Variants in CDH18 observed in about 807,000 individuals in gnomAD.
The protein encoded by CDH18 is cadherin 18.
Under a neutral mutation model 67.9 loss-of-function variants are expected in CDH18, and 31 were observed. The ratio of observed to expected loss-of-function variants is 0.46; its 90% confidence interval spans 0.34 to 0.62. CDH18 has a LOEUF of 0.62. Among genes scored for constraint, CDH18 ranks in the 20% least tolerant of loss-of-function variants. The pLI, the probability that CDH18 is intolerant of heterozygous loss-of-function variation, is 0.01. For missense variants in CDH18, 890 were observed against 975.5 expected, an observed-to-expected ratio of 0.91 and a Z score of 1.17; for synonymous variants, 362 against 347.2, an observed-to-expected ratio of 1.04 and a Z score of -0.48.
intron 2 of CDH18, among the ~76,000 whole-genome samples, chr5:20,089,795 C>T (rs1354641308): frequency 6.6e-6 from 1 of 152,054 alleles, no homozygotes; most frequent in Non-Finnish European, 1.5e-5. Context: ...TAAAACTTTG[C>T]TGCTTCTGAA....
At chr5:20,304,445 C>T in intron 1 of CDH18, 4 of 1,508,352 alleles carry the variant, frequency 2.7e-6, no homozygotes, top group East Asian at 2.3e-5. Context: ...TTCTTCATCT[C>T]CACCTTTGCA....
At chr5:19,827,938 G>T (rs1352947350) in intron 3 of CDH18, among the ~76,000 whole-genome samples, 1 of 152,098 alleles carries the variant, frequency 6.6e-6, no homozygotes, top group African/African-American at 2.4e-5. Flanking sequence ...CCAGAAGTTG[G>T]TTCTTTGAAA....
intron 7 of CDH18, among the ~76,000 whole-genome samples, chr5:19,572,645 A>G (rs891933473): frequency 6.6e-6 from 1 of 152,188 alleles, no homozygotes; most frequent in Non-Finnish European, 1.5e-5. Flanking sequence ...CTCACACAAC[A>G]GAGAAACCAT....
chr5:19,757,498 C>G (rs191530126), intron 3 of CDH18, among the ~76,000 whole-genome samples: 1 of 152,284 alleles, frequency 6.6e-6, no homozygotes, highest in Admixed American at 6.5e-5. Context: ...GCCAACATGG[C>G]CACTTTGTTC....
chr5:19,593,709 T>TCCTCCTCCTTCTTCTTCC (rs70950076), intron 6 of CDH18, among the ~76,000 whole-genome samples: 21 of 111,168 alleles, frequency 1.9e-4, no homozygotes, highest in African/African-American at 9.1e-4. Flanking sequence ...CTCCTCCTCC[T>TCCTCCTCCTTCTTCTTCC]TCTTCTTCTT....
chr5:19,620,683 A>G (rs1355479836), intron 5 of CDH18, among the ~76,000 whole-genome samples: 1 of 152,116 alleles, frequency 6.6e-6, no homozygotes, highest in Non-Finnish European at 1.5e-5. Flanking sequence ...AGATGTTTCA[A>G]ACTTAGAATG....
At chr5:19,699,567 TAAG>T (rs575578829) in intron 5 of CDH18, among the ~76,000 whole-genome samples, 116 of 152,072 alleles carry the variant, frequency 7.6e-4, no homozygotes, top group African/African-American at 2.6e-3. Flanking sequence ...AGTTCTCTTA[TAAG>T]AAGATGAAGA....
chr5:20,424,227 AT>A, intron 1 of CDH18, among the ~76,000 whole-genome samples: 1 of 150,992 alleles, frequency 6.6e-6, no homozygotes, highest in East Asian at 1.9e-4. Flanking sequence ...TTACTCTGAA[AT>A]TTCAGAACTC....
chr5:20,023,495 TA>T (rs774805038), intron 2 of CDH18, among the ~76,000 whole-genome samples: 5 of 151,758 alleles, frequency 3.3e-5, no homozygotes. Flanking sequence ...CCGTCTCTAC[TA>T]AAAATACAAA....
chr5:19,511,546 C>T (rs79466152), intron 10 of CDH18, among the ~76,000 whole-genome samples: 3 of 152,064 alleles, frequency 2.0e-5, no homozygotes, highest in Non-Finnish European at 4.4e-5. Flanking sequence ...AGGCTGAGGA[C>T]GGAGATGAGG....
chr5:20,385,613 C>A (rs1249313515), intron 1 of CDH18, among the ~76,000 whole-genome samples: 2 of 152,104 alleles, frequency 1.3e-5, no homozygotes, highest in East Asian at 3.9e-4. Context: ...AAACTTTTGA[C>A]TTACACACAA....
At chr5:20,424,499 C>A (rs1748128596) in intron 1 of CDH18, among the ~76,000 whole-genome samples, 1 of 150,142 alleles carries the variant, frequency 6.7e-6, no homozygotes, top group Admixed American at 6.6e-5. Flanking sequence ...CACCTGTAAT[C>A]CCAGCACTTT....
rs746541493 is a variant in CDH18 at position 19,520,729 on chromosome 5, A to G, written c.1440T>C (p.Asp480=). Residue 480 remains aspartate, a synonymous_variant, in exon 10 of 13, where the codon GAT becomes GAC. Coordinates refer to ENST00000382275, the MANE Select transcript of CDH18 (RefSeq NM_004934.5). ...SHVTVGIRVL[D]VNDNPPELAR... is the part of the protein sequence containing the mutation. Reference sequence around the variant, plus strand: ...CAAGTTCGGGTGGATTGTCATTGACATCCAGAACTCTAATACCCACTGTGA... The same window carrying G: ...CAAGTTCGGGTGGATTGTCATTGACGTCCAGAACTCTAATACCCACTGTGA... The G allele has an allele frequency of 1.2e-6, 2 of 1,613,406 alleles. No individual in the cohort carries two copies. The highest frequency in any genetic ancestry group is 3.3e-5 in the Admixed American group (2 of 59,990).
intron 2 of CDH18, among the ~76,000 whole-genome samples, chr5:19,884,095 T>G (rs1787944403): frequency 6.6e-6 from 1 of 152,120 alleles, no homozygotes; most frequent in South Asian, 2.1e-4. Context: ...GAGATTTCTG[T>G]GAATAGCACA....
chr5:19,617,556 T>C (rs1750034738), intron 5 of CDH18, among the ~76,000 whole-genome samples: 1 of 152,196 alleles, frequency 6.6e-6, no homozygotes, highest in South Asian at 2.1e-4. Context: ...TTTCAATACA[T>C]CCTAGGTAAA....
intron 11 of CDH18, among the ~76,000 whole-genome samples, chr5:19,485,757 G>A (rs949723356): frequency 1.3e-5 from 2 of 152,060 alleles, no homozygotes; most frequent in African/African-American, 4.8e-5. Flanking sequence ...AAGTATTCAC[G>A]GGCACAAACA....
intron 1 of CDH18, among the ~76,000 whole-genome samples, chr5:20,550,225 A>G (rs1297325782): frequency 6.6e-6 from 1 of 152,214 alleles, no homozygotes; most frequent in East Asian, 1.9e-4. Flanking sequence ...TATTGCAACA[A>G]TAATAAAACC....
At chr5:20,268,480 A>C (rs1745207412) in intron 1 of CDH18, among the ~76,000 whole-genome samples, 1 of 152,188 alleles carries the variant, frequency 6.6e-6, no homozygotes, top group Admixed American at 6.5e-5. Flanking sequence ...GCTCACACCT[A>C]TAATCCTGGC....
chr5:19,772,817 C>A (rs1773875344), intron 3 of CDH18, among the ~76,000 whole-genome samples: 1 of 152,130 alleles, frequency 6.6e-6, no homozygotes, highest in Non-Finnish European at 1.5e-5. Flanking sequence ...TTTAGCCAAA[C>A]AACATTATTA....
Sources: gnomAD v4.1 joint callset for allele counts (sites outside exome capture counted in the v4.1 genomes callset) on GRCh38, gnomAD v4.1.1 for gene constraint, MANE v1.5 for transcripts, NCBI Gene and HGNC (gene_info 2026-07-23, HGNC 2026-07-21) for gene names.